ADARB2: variants seen among roughly 807,000 people sequenced by gnomAD.
The protein encoded by ADARB2 is inactive double-stranded RNA-specific editase B2.
In ADARB2, 25 loss-of-function variants were observed where a neutral mutation model predicts 62.2. That is an observed-to-expected ratio of 0.40 (90% CI 0.29 to 0.56). ADARB2 has a LOEUF of 0.56. ADARB2 is among the 20% of genes least tolerant of loss of function. The pLI, the probability that ADARB2 is intolerant of heterozygous loss-of-function variation, is 0.43. For synonymous variants in ADARB2, 572 were observed against 500.8 expected (o/e 1.14, Z -1.90); for missense variants, 1,071 against 1,077.4 (o/e 0.99, Z 0.08).
intron 1 of ADARB2, among the ~76,000 whole-genome samples, chr10:1,663,269 C>T (rs537669720): frequency 3.3e-5 from 5 of 152,296 alleles, no homozygotes; most frequent in East Asian, 3.9e-4. Context: ...GCATTGATTA[C>T]GACTGATGAA....
At chr10:1,468,917 G>A (rs1005423555) in intron 1 of ADARB2, among the ~76,000 whole-genome samples, 4 of 152,232 alleles carry the variant, frequency 2.6e-5, no homozygotes, top group Non-Finnish European at 5.9e-5. Flanking sequence ...CAACACTTTT[G>A]TTATTTTGCA....
At chr10:1,616,665 A>G (rs867162772) in intron 1 of ADARB2, among the ~76,000 whole-genome samples, 628 of 52,064 alleles carry the variant, frequency 0.012, no homozygotes, top group Middle Eastern at 0.042. Context: ...ACTCCGCACC[A>G]CCCTGCTGAG....
chr10:1,350,742 A>G (rs1832128551), intron 3 of ADARB2, among the ~76,000 whole-genome samples: 3 of 152,138 alleles, frequency 2.0e-5, no homozygotes, highest in Admixed American at 6.5e-5. Context: ...CTTATTCTCA[A>G]TATACATTTT....
At chr10:1,647,700 ATATG>A (rs773363399) in intron 1 of ADARB2, among the ~76,000 whole-genome samples, 4 of 151,846 alleles carry the variant, frequency 2.6e-5, no homozygotes, top group Non-Finnish European at 4.4e-5. Flanking sequence ...ATGTGTGCAT[ATATG>A]TGTGTATATG....
chr10:1,539,537 A>T (rs994663452), intron 1 of ADARB2, among the ~76,000 whole-genome samples: 1 of 152,236 alleles, frequency 6.6e-6, no homozygotes, highest in Admixed American at 6.5e-5. Flanking sequence ...AGGAAATGAA[A>T]CACAACTGGC....
chr10:1,413,466 T>A (rs564118482), intron 1 of ADARB2, among the ~76,000 whole-genome samples: 5 of 152,302 alleles, frequency 3.3e-5, no homozygotes, highest in Admixed American at 1.3e-4. Flanking sequence ...ACCCAGCCAA[T>A]GTCAGCAATG....
At chr10:1,567,949 C>T (rs367572356) in intron 1 of ADARB2, among the ~76,000 whole-genome samples, 9 of 152,182 alleles carry the variant, frequency 5.9e-5, no homozygotes, top group Admixed American at 1.3e-4. Context: ...TCAGAGACAC[C>T]GTTGATGGCA....
intron 1 of ADARB2, among the ~76,000 whole-genome samples, chr10:1,527,891 T>G (rs2676776): frequency 6.6e-6 from 1 of 151,976 alleles, no homozygotes; most frequent in Non-Finnish European, 1.5e-5. Context: ...TCAACATTCA[T>G]AAATTTATCA....
At chr10:1,540,427 C>T (rs1466715621) in intron 1 of ADARB2, among the ~76,000 whole-genome samples, 3 of 152,006 alleles carry the variant, frequency 2.0e-5, no homozygotes, top group Admixed American at 1.3e-4. Context: ...GAAGGTAGCA[C>T]CCCACTCAGA....
chr10:1,538,079 T>C (rs779809194), intron 1 of ADARB2, among the ~76,000 whole-genome samples: 1 of 152,242 alleles, frequency 6.6e-6, no homozygotes, highest in African/African-American at 2.4e-5. Context: ...GGAGTGCTTC[T>C]GAGACACACA....
chr10:1,405,629 C>CAAAAAAA (rs3029747), intron 1 of ADARB2, among the ~76,000 whole-genome samples: 1 of 86,938 alleles, frequency 1.2e-5, no homozygotes, highest in Non-Finnish European at 2.3e-5. Flanking sequence ...GATTCAGTCT[C>CAAAAAAA]AAAAAAAAAA....
At chr10:1,710,910 C>T (rs1834942318) in intron 1 of ADARB2, among the ~76,000 whole-genome samples, 1 of 152,170 alleles carries the variant, frequency 6.6e-6, no homozygotes, top group African/African-American at 2.4e-5. Flanking sequence ...CCAGGCCTGT[C>T]CGGTGGTCCT....
At chr10:1,664,048 T>C (rs1834283411) in intron 1 of ADARB2, among the ~76,000 whole-genome samples, 1 of 152,232 alleles carries the variant, frequency 6.6e-6, no homozygotes, top group Non-Finnish European at 1.5e-5. Flanking sequence ...TGTAAACAGC[T>C]GTTTCTGTGC....
Position 1,420,302 on chromosome 10 carries a change from C to T in ADARB2, c.101-41142G>A, listed in dbSNP as rs371111490. Among the ~76,000 whole-genome samples, 8 of 152,262 alleles carry T rather than the reference C, an allele frequency of 5.3e-5. No homozygotes were observed. In the South Asian group the frequency reaches 6.2e-4, roughly 12 times the overall value. Reference sequence around the variant, plus strand: ...GTAAGTATTTTTACATGGACAGCTACGTGTAAGGCTGACAAAGAGTAGCAC... The same window carrying T: ...GTAAGTATTTTTACATGGACAGCTATGTGTAAGGCTGACAAAGAGTAGCAC... On this transcript the variant is annotated intron_variant, in intron 1 of 9. Transcript: ENST00000381312.
chr10:1,382,503 T>C (rs79843415), intron 1 of ADARB2, among the ~76,000 whole-genome samples: 3,221 of 152,312 alleles, frequency 0.021, 113 homozygotes, highest in African/African-American at 0.073. Flanking sequence ...ATAGAAAAAG[T>C]ACAACAGAAG....
At chr10:1,328,064 G>A (rs1432097165) in intron 3 of ADARB2, among the ~76,000 whole-genome samples, 1 of 93,044 alleles carries the variant, frequency 1.1e-5, no homozygotes, top group African/African-American at 4.0e-5. Context: ...GACATGCGAG[G>A]AAGCCTTACA....
At chr10:1,198,289 T>G (rs965418188) in intron 8 of ADARB2, among the ~76,000 whole-genome samples, 1 of 152,216 alleles carries the variant, frequency 6.6e-6, no homozygotes, top group African/African-American at 2.4e-5. Flanking sequence ...ATACATAATC[T>G]TCATCTTCTA....
chr10:1,487,671 C>T (rs184902170), intron 1 of ADARB2, among the ~76,000 whole-genome samples: 29 of 152,230 alleles, frequency 1.9e-4, no homozygotes, highest in Middle Eastern at 3.4e-3. Flanking sequence ...CATTTGGGAA[C>T]GGACATGGTT....
intron 2 of ADARB2, among the ~76,000 whole-genome samples, chr10:1,364,871 ATTTT>A (rs35539783): frequency 1.0e-4 from 13 of 127,342 alleles, no homozygotes; most frequent in South Asian, 2.7e-4. Flanking sequence ...CATTTTGGTA[ATTTT>A]TTTTTTTTTT....
Sources: allele counts gnomAD v4.1 joint callset (sites outside exome capture counted in the v4.1 genomes callset), GRCh38; gene constraint gnomAD v4.1.1; transcripts MANE v1.5; gene names NCBI Gene and HGNC (gene_info 2026-07-23, HGNC 2026-07-21).